Variants in SCML4 observed in about 807,000 individuals in gnomAD.
SCML4 encodes the protein sex comb on midleg-like protein 4.
SCML4 carries 34 observed loss-of-function variants against 41.1 expected under a neutral mutation model. That is an observed-to-expected ratio of 0.83 (90% CI 0.63 to 1.10). The LOEUF is 1.10. SCML4 is among the 50% of genes least tolerant of loss of function. The pLI is 0.00. For missense variants in SCML4, 522 were observed against 534.1 expected, an observed-to-expected ratio of 0.98 and a Z score of 0.22; for synonymous variants, 214 against 220.9, an observed-to-expected ratio of 0.97 and a Z score of 0.28.
intron 1 of SCML4, among the ~76,000 whole-genome samples, chr6:107,785,505 A>C (rs1048358766): frequency 2.0e-5 from 3 of 152,200 alleles, no homozygotes; most frequent in African/African-American, 7.2e-5. Context: ...TCCTGGGTGG[A>C]TAGAGGGGTG....
At chr6:107,719,925 A>G (rs1224384276) in intron 6 of SCML4, 6 of 985,344 alleles carry the variant, frequency 6.1e-6, no homozygotes, top group African/African-American at 1.7e-5. Context: ...TTTTTAAAAC[A>G]TCAATCAGAA....
chr6:107,705,412 G>T (rs73764241), intron 7 of SCML4, 87 bp from the exon 8 acceptor site: 1 of 1,249,868 alleles, frequency 8.0e-7, no homozygotes, highest in African/African-American at 1.5e-5. Flanking sequence ...TGGTCAAGGG[G>T]TGTGCTCAGG....
upstream of SCML4, among the ~76,000 whole-genome samples, chr6:107,826,044 G>T (rs1785243712): frequency 6.6e-6 from 1 of 151,306 alleles, no homozygotes; most frequent in South Asian, 2.1e-4. Context: ...AGGAGTTCGA[G>T]ACCAGACTGG....
At chr6:107,817,625 AAAAAAAAAAAG>A (rs1237456007) in intron 1 of SCML4, among the ~76,000 whole-genome samples, 6 of 118,178 alleles carry the variant, frequency 5.1e-5, no homozygotes, top group African/African-American at 1.1e-4. Context: ...CATCTCAAAA[AAAAAAAAAAAG>A]AAAAAAAAAA....
intron 5 of SCML4, among the ~76,000 whole-genome samples, chr6:107,727,834 A>G (rs1355480477): frequency 1.3e-5 from 2 of 152,258 alleles, no homozygotes; most frequent in Non-Finnish European, 2.9e-5. Flanking sequence ...TAAGGCTGCC[A>G]TTACATTCCT....
At chr6:107,842,362 T>C in the SCML4 span, among the ~76,000 whole-genome samples, 1 of 152,234 alleles carries the variant, frequency 6.6e-6, no homozygotes, top group East Asian at 1.9e-4. Flanking sequence ...GAAAAGTCTA[T>C]GTAGAAGATA....
chr6:107,772,866 T>C (rs1780630241), intron 1 of SCML4, among the ~76,000 whole-genome samples: 1 of 152,226 alleles, frequency 6.6e-6, no homozygotes, highest in Non-Finnish European at 1.5e-5. Flanking sequence ...TTTAAATTGA[T>C]CAAATCAATT....
At chr6:107,784,090 T>C (rs1407608181) in intron 1 of SCML4, among the ~76,000 whole-genome samples, 1 of 152,146 alleles carries the variant, frequency 6.6e-6, no homozygotes, top group East Asian at 1.9e-4. Flanking sequence ...ATGCCTTAAA[T>C]ACTAAAGAGA....
At chr6:107,806,379 G>A (rs763389824) in intron 1 of SCML4, among the ~76,000 whole-genome samples, 1 of 152,218 alleles carries the variant, frequency 6.6e-6, no homozygotes, top group Non-Finnish European at 1.5e-5. Context: ...GCACATCGGG[G>A]TGAATTGTTC....
At chr6:107,748,561 G>A (rs72933130) in intron 3 of SCML4, among the ~76,000 whole-genome samples, 9,381 of 152,208 alleles carry the variant, frequency 0.062, 738 homozygotes, top group African/African-American at 0.18. Flanking sequence ...CAAGTCTTTT[G>A]GAAGACACTC....
At chr6:107,779,474 G>A (rs1781313839) in intron 1 of SCML4, among the ~76,000 whole-genome samples, 1 of 152,142 alleles carries the variant, frequency 6.6e-6, no homozygotes, top group African/African-American at 2.4e-5. Context: ...GAAGGGGTAA[G>A]CCAGCCCAAC....
At chr6:107,839,715 C>T in the SCML4 span, among the ~76,000 whole-genome samples, 1 of 151,984 alleles carries the variant, frequency 6.6e-6, no homozygotes, top group Non-Finnish European at 1.5e-5. Context: ...GTTCTCTACC[C>T]CTGAGAATGA....
At chr6:107,745,173 GC>G (rs1487839346) in intron 4 of SCML4, 30 bp from the exon 5 acceptor site, 2 of 1,496,320 alleles carry the variant, frequency 1.3e-6, no homozygotes, top group Admixed American at 4.4e-5. Flanking sequence ...TCAGCTTAGA[GC>G]CGGGCACTGG....
At chr6:107,726,057 A>G (rs1405152309) in intron 5 of SCML4, among the ~76,000 whole-genome samples, 2 of 141,654 alleles carry the variant, frequency 1.4e-5, no homozygotes, top group East Asian at 4.2e-4. Context: ...AGCCTGAGCA[A>G]CGGAGCAAGA....
At chr6:107,718,733 G>A (rs1267540236) in intron 6 of SCML4, 1 of 152,236 alleles carries the variant, frequency 6.6e-6, no homozygotes, top group Non-Finnish European at 1.5e-5. Context: ...AAGACATAGG[G>A]CTGAGATTGC....
chr6:107,796,663 C>G (rs942803569), intron 1 of SCML4, among the ~76,000 whole-genome samples: 2 of 152,098 alleles, frequency 1.3e-5, no homozygotes. Flanking sequence ...AAGATAGCAA[C>G]CTTTTGTTTT....
chr6:107,713,429 A>G (rs1774423449), intron 6 of SCML4, among the ~76,000 whole-genome samples: 1 of 152,028 alleles, frequency 6.6e-6, no homozygotes. Context: ...GGCTGTTCCC[A>G]CTAAGGGAGT....
upstream of SCML4, among the ~76,000 whole-genome samples, chr6:107,826,854 G>A (rs573045496): frequency 1.2e-4 from 19 of 152,316 alleles, no homozygotes; most frequent in South Asian, 3.9e-3. Flanking sequence ...ACAAGGTCAG[G>A]AGATCGAGAC....
At chr6:107,804,322 G>A (rs1783556815) in intron 1 of SCML4, among the ~76,000 whole-genome samples, 1 of 151,916 alleles carries the variant, frequency 6.6e-6, no homozygotes, top group Admixed American at 6.6e-5. Flanking sequence ...AATAAGCCCT[G>A]GCAGGATGCC....
Sources: allele counts gnomAD v4.1 joint callset (sites outside exome capture counted in the v4.1 genomes callset), GRCh38; gene constraint gnomAD v4.1.1; transcripts MANE v1.5; gene names NCBI Gene and HGNC (gene_info 2026-07-23, HGNC 2026-07-21).